Variants in KMT2B observed in about 807,000 individuals in gnomAD.
KMT2B encodes histone-lysine N-methyltransferase 2B.
In KMT2B, 22 loss-of-function variants were observed where a neutral mutation model predicts 255.3. The ratio of observed to expected loss-of-function variants is 0.09; its 90% CI spans 0.06 to 0.12. KMT2B has a LOEUF of 0.12. Ranked by LOEUF, KMT2B falls within the 10% of genes least tolerant of loss-of-function variation. The probability of loss-of-function intolerance (pLI) is 1.00; values close to 1 mark genes in which losing one functional copy is unlikely to be tolerated. For synonymous variants in KMT2B, 1,730 were observed against 1,498.1 expected, an observed-to-expected ratio of 1.15 and a Z score of -3.57; for missense variants, 3,149 against 3,737.0, an observed-to-expected ratio of 0.84 and a Z score of 4.10.
Position 35,719,958 on chromosome 19 carries a change from A to G in KMT2B, c.611A>G (p.Gln204Arg). 9 of 1,613,168 alleles carry G rather than the reference A, an allele frequency of 5.6e-6. No homozygotes were observed. Among genetic ancestry groups the G allele is most frequent in the Non-Finnish European group, 6.8e-6 (8 of 1,179,814 alleles). The change falls in exon 3 of 37, where the codon CAA becomes CGA. Residue 204 changes from glutamine (Q) to arginine (R), a missense_variant. Coordinates refer to ENST00000420124, the MANE Select transcript of KMT2B (RefSeq NM_014727.3). ...CTTCTCCGGCGGGCCCAGGCACCCC[A>G]AGCACCCCGGAGCCGGGCATGTGAG... ...TELLRRAQAP[Q>R]APRSRACEPS...
Position 35,728,849 on chromosome 19 carries a change from G to A in KMT2B, c.4647G>A (p.Glu1549=). 6.2e-7 allele frequency: 1 copy of A among 1,613,954 alleles called. No individual in the cohort carries two copies. Among genetic ancestry groups the A allele is most frequent in the Admixed American group, 1.7e-5 (1 of 60,018 alleles). The change falls in exon 20 of 37, where the codon GAG becomes GAA. Residue 1549 remains glutamate, a synonymous_variant. Coordinates refer to ENST00000420124, the MANE Select transcript of KMT2B (RefSeq NM_014727.3). ...CGCAGTGGAGACAGCAGGAACCAGAGACCCCAGAATCAGGGCAGCCTCCAG... is the reference window on the plus strand; with the variant it reads ...CGCAGTGGAGACAGCAGGAACCAGAAACCCCAGAATCAGGGCAGCCTCCAG... ...VYAQWRQQEP[E]TPESGQPPGD...
chr19:35,728,763 C>G lies in KMT2B; in HGVS notation c.4572-11C>G. 1 of 1,609,472 alleles carries G rather than the reference C, an allele frequency of 6.2e-7. No homozygotes were observed. The highest frequency in any genetic ancestry group is 8.5e-7 in the Non-Finnish European group (1 of 1,175,890). ...TTGGGCACATCAGCTGCTAACCCTGCCTGTCCACAGCGGAGTCCTTCCCAA... is the reference window on the plus strand; with the variant it reads ...TTGGGCACATCAGCTGCTAACCCTGGCTGTCCACAGCGGAGTCCTTCCCAA... On this transcript the variant is annotated splice_polypyrimidine_tract_variant and intron_variant, in intron 19 of 36. Coordinates refer to ENST00000420124, the MANE Select transcript of KMT2B (RefSeq NM_014727.3).
rs752108053 is a variant in KMT2B, at chr19:35,738,255, C to G, written c.7873-27C>G. 1.7e-5 allele frequency: 28 copies of G among 1,613,120 alleles called. No individual in the cohort carries two copies. The South Asian group carries it at 2.3e-4, about 13-fold the overall frequency. ...CGAGCCTGTCCGCGGGGACAGAGCA[C>G]CTGATCTCCCCACCTCATCCCTGCA... On this transcript the variant is annotated intron_variant, in intron 36 of 36. Coordinates refer to ENST00000420124, the MANE Select transcript of KMT2B (RefSeq NM_014727.3). The surrounding 1 kb of genome is among the most constrained non-coding windows in gnomAD (Gnocchi z 8.7).
chr19:35,725,199 C>T lies in KMT2B; in HGVS notation c.3529-21C>T. ...TTGTATGCCTGGCGGCCCTCTGATC[C>T]TGCATCCTCTCTTCCCCCAGGAGGA... On this transcript the variant is annotated intron_variant, in intron 10 of 36. Coordinates refer to ENST00000420124, the MANE Select transcript of KMT2B (RefSeq NM_014727.3). This position sits in a 1 kb window ranked among gnomAD's most constrained non-coding sequence, Gnocchi z 4.1. 1.2e-6 allele frequency: 2 copies of T among 1,607,638 alleles called. No homozygotes were observed. Among genetic ancestry groups the T allele is most frequent in the Non-Finnish European group, 1.7e-6 (2 of 1,174,802 alleles).
Position 35,723,419 on chromosome 19 carries a change from C to G in KMT2B, c.3003-28C>G, listed in dbSNP as rs1291068602. 1 of 1,563,688 alleles carries G rather than the reference C, an allele frequency of 6.4e-7. No homozygotes were observed. Among genetic ancestry groups the G allele is most frequent in the Non-Finnish European group, 8.7e-7 (1 of 1,153,494 alleles). On this transcript the variant is annotated intron_variant, in intron 6 of 36. Transcript: ENST00000420124. The surrounding 1 kb of genome is among the most constrained non-coding windows in gnomAD (Gnocchi z 7.5). ...TTCCCCCAGACCACCAGTCCCCTAC[C>G]CTGGTGACGTGCTGCTCCCCTCCCC...
rs750810542 is a variant in KMT2B at position 35,730,734 on chromosome 19, G to A, written c.5304G>A (p.Val1768=). The change falls in exon 26 of 37, where the codon GTG becomes GTA. Residue 1768 remains valine (V), a synonymous_variant. Coordinates refer to ENST00000420124, the MANE Select transcript of KMT2B (RefSeq NM_014727.3). The part of the protein sequence containing the change: ...YQCSRLYWST[V]DARRRCWYRC... ...GCTCCCGTCTGTACTGGAGCACAGT[G>A]GATGCTCGGAGGCGCTGCTGGTATC... is the stretch of plus-strand genomic sequence containing the variant. 6.2e-7 allele frequency: 1 copy of A among 1,613,948 alleles called. No homozygotes were observed. The highest frequency in any genetic ancestry group is 1.3e-5 in the African/African-American group (1 of 75,056).
Position 35,729,018 on chromosome 19 carries a change from A to G in KMT2B, c.4721A>G (p.His1574Arg), listed in dbSNP as rs1416302740. ...GGCAAGGATCCGGCTGCCTTCTCAC[A>G]CCTGGAGGACCCCCGTCAGTGTGCA... ...FQGKDPAAFSHLEDPRQCALC... is the reference protein window; with the variant it reads ...FQGKDPAAFSRLEDPRQCALC... The change falls in exon 21 of 37, where the codon CAC (histidine) becomes CGC (arginine). Residue 1574 changes from histidine to arginine, a missense_variant. His to Arg is a conservative substitution (Grantham distance 29, BLOSUM62 0). Around this residue, in one of 18 missense-constraint regions of KMT2B, gnomAD observed 377 missense variants for 471.0 expected, o/e 0.80. Transcript: ENST00000420124. The G allele has an allele frequency of 6.8e-6, 11 of 1,613,782 alleles. No homozygotes were observed. Among genetic ancestry groups the G allele is most frequent in the Admixed American group, 1.7e-5 (1 of 60,008 alleles).
intron 1 of KMT2B, among the ~76,000 whole-genome samples, 169 bp from the exon 2 acceptor site, chr19:35,719,300 G>A (rs928002359): frequency 1.9e-4 from 29 of 152,128 alleles, no homozygotes; most frequent in Admixed American, 9.2e-4. Context: ...CCATCCCTAG[G>A]GAGAGACCCT....
rs1185709309 is a variant in KMT2B at position 35,729,257 on chromosome 19, C to G, written c.4878C>G (p.Leu1626=). The G allele has an allele frequency of 1.2e-6, 2 of 1,603,494 alleles. No homozygotes were observed. The highest frequency in any genetic ancestry group is 1.7e-6 in the Non-Finnish European group (2 of 1,175,148). ...AEVFEENDGS[L]KNVHAAVARG... ...TCTTCGAGGAGAACGACGGCTCCCT[C>G]AAGAATGTGCATGCTGCTGTGGCCC... Residue 1626 remains leucine (L), a synonymous_variant, in exon 22 of 37, where the codon CTC becomes CTG. Transcript: ENST00000420124.
At chr19:35,732,172 G>C (rs141894666) in intron 27 of KMT2B, 37 bp downstream of exon 27, 163 of 1,567,384 alleles carry the variant, frequency 1.0e-4, no homozygotes, top group Middle Eastern at 1.0e-3. Flanking sequence ...GGGTGGAGCC[G>C]CGGAGGTGGG....
chr19:35,722,605 A>T lies in KMT2B; in HGVS notation c.2609A>T (p.His870Leu), dbSNP rs771561660. 9 of 1,611,530 alleles carry T rather than the reference A, an allele frequency of 5.6e-6. No individual in the cohort carries two copies. The highest frequency in any genetic ancestry group is 6.8e-6 in the Non-Finnish European group (8 of 1,179,158). Residue 870 changes from histidine (H) to leucine (L), a missense_variant, in exon 5 of 37, where the codon CAT (histidine) becomes CTT (leucine). Coordinates refer to ENST00000420124, the MANE Select transcript of KMT2B (RefSeq NM_014727.3). ...ESPVQGPRIKHVCRHAAVALG... is the reference protein window; with the variant it reads ...ESPVQGPRIKLVCRHAAVALG... Reference sequence around the variant, plus strand: ...CCTGTGCAAGGTCCCCGCATCAAACATGTCTGCCGTCATGCTGCTGTGGCC... The same window carrying T: ...CCTGTGCAAGGTCCCCGCATCAAACTTGTCTGCCGTCATGCTGCTGTGGCC...
Position 35,725,935 on chromosome 19 carries a change from T to A in KMT2B, c.3885+117T>A, listed in dbSNP as rs556954079. ...AGAGGTTGGGGATCCTCTTAAGAAT[T>A]GATTAGTAATGTTTCCTCTTCAAAA... On this transcript the variant is annotated intron_variant, in intron 13 of 36. Transcript: ENST00000420124. This position sits in a 1 kb window ranked among gnomAD's most constrained non-coding sequence, Gnocchi z 4.1. 23 of 821,654 alleles carry A rather than the reference T, an allele frequency of 2.8e-5. No homozygotes were observed. In the South Asian group the frequency reaches 3.5e-4, roughly 13 times the overall value. The allele number at this position is 821,654 out of a possible 1,614,324, so 50.9% of individuals were successfully genotyped here. A position where few individuals can be genotyped will look rare whatever the true frequency, so the allele number is the denominator to read the frequency against.
rs954605027 is a variant in KMT2B at position 35,718,592 on chromosome 19, C to T, written c.363+211C>T. ...AGCCCCGGCTGCAGCCAGGCACTCGCGCCCGATGTCGGTCCCGCTGAAGTG... is the reference window on the plus strand; with the variant it reads ...AGCCCCGGCTGCAGCCAGGCACTCGTGCCCGATGTCGGTCCCGCTGAAGTG... On this transcript the variant is annotated intron_variant, in intron 1 of 36. Coordinates refer to ENST00000420124, the MANE Select transcript of KMT2B (RefSeq NM_014727.3). The surrounding 1 kb of genome is among the most constrained non-coding windows in gnomAD (Gnocchi z 5.0). Among the ~76,000 whole-genome samples the T allele has an allele frequency of 6.6e-6, 1 of 152,200 alleles. No homozygotes were observed. The highest frequency in any genetic ancestry group is 1.5e-5 in the Non-Finnish European group (1 of 68,030).
At chr19:35,724,181 CAGTG>C (rs1263481484) in intron 8 of KMT2B, among the ~76,000 whole-genome samples, 174 bp downstream of exon 8, 2 of 152,096 alleles carry the variant, frequency 1.3e-5, no homozygotes, top group African/African-American at 2.4e-5. Context: ...ATGAGGTTCT[CAGTG>C]AGCCTAATGA....
chr19:35,738,454 G>C lies in KMT2B; in HGVS notation c.8045G>C (p.Arg2682Pro). The change falls in exon 37 of 37, where the codon CGT (arginine) becomes CCT (proline). Residue 2682 changes from arginine (R) to proline (P), a missense_variant. This residue lies in a region of KMT2B where 56 missense variants were observed against 238.8 expected (regional missense o/e 0.23). Transcript: ENST00000420124. The surrounding 1 kb of genome is among the most constrained non-coding windows in gnomAD (Gnocchi z 8.7). ...ATCTTCGCCCTGCGCCGCATCCTGCGTGGTGAGGAGCTCACCTACGACTAC... is the reference window on the plus strand; with the variant it reads ...ATCTTCGCCCTGCGCCGCATCCTGCCTGGTGAGGAGCTCACCTACGACTAC... ...IVIFALRRIL[R>P]GEELTYDYKF... The C allele has an allele frequency of 2.5e-6, 4 of 1,614,102 alleles. No individual in the cohort carries two copies. Among genetic ancestry groups the C allele is most frequent in the Non-Finnish European group, 2.5e-6 (3 of 1,179,960 alleles).
chr19:35,738,530 C>G lies in KMT2B; in HGVS notation c.8121C>G (p.Ala2707=), dbSNP rs773643747. ...ASNKLPCNCG[A]KRCRRFLN is the part of the protein sequence containing the mutation. The stretch of plus-strand genomic sequence containing the variant: ...ACAAGCTGCCCTGCAACTGTGGCGC[C>G]AAGCGCTGCCGTCGGTTCCTTAACT... The change falls in exon 37 of 37, where the codon GCC becomes GCG. Residue 2707 remains alanine (A), a synonymous_variant. Coordinates refer to ENST00000420124, the MANE Select transcript of KMT2B (RefSeq NM_014727.3). The surrounding 1 kb of genome is among the most constrained non-coding windows in gnomAD (Gnocchi z 8.7). 3.1e-6 allele frequency: 5 copies of G among 1,613,712 alleles called. No individual in the cohort carries two copies. The highest frequency in any genetic ancestry group is 4.2e-6 in the Non-Finnish European group (5 of 1,179,772).
Position 35,727,637 on chromosome 19 carries a change from G to C in KMT2B, c.4302+15G>C, listed in dbSNP as rs767851129. 3.9e-5 allele frequency: 63 copies of C among 1,611,438 alleles called. No homozygotes were observed. Among genetic ancestry groups the C allele is most frequent in the Non-Finnish European group, 5.2e-5 (61 of 1,179,156 alleles). ...TCTGCACCCAGGTCTGGAGGGCCCT[G>C]GAGGCAGGATGGGCCGGGGCTAGGC... On this transcript the variant is annotated intron_variant, in intron 16 of 36. Transcript: ENST00000420124. This position sits in a 1 kb window ranked among gnomAD's most constrained non-coding sequence, Gnocchi z 4.2.
Position 35,725,799 on chromosome 19 carries a change from C to T in KMT2B, c.3866C>T (p.Thr1289Met), listed in dbSNP as rs376193493. 1.1e-5 allele frequency: 18 copies of T among 1,585,506 alleles called. No individual in the cohort carries two copies. The highest frequency in any genetic ancestry group is 6.8e-5 in the South Asian group (6 of 87,680). ...CLGPSYPTRA[T>M]RKRRHWICSA... ...GGGCCCAGCTATCCAACCCGGGCCACGCGCAAACGGCGCCACTGGGTGAGA... is the reference window on the plus strand; with the variant it reads ...GGGCCCAGCTATCCAACCCGGGCCATGCGCAAACGGCGCCACTGGGTGAGA... Residue 1289 changes from threonine to methionine, a missense_variant, in exon 13 of 37, where the codon ACG becomes ATG. By Grantham distance (81) the Thr-to-Met change is moderately conservative. Around this residue, in one of 18 missense-constraint regions of KMT2B, gnomAD observed 377 missense variants for 471.0 expected, o/e 0.80. Transcript: ENST00000420124. The surrounding 1 kb of genome is among the most constrained non-coding windows in gnomAD (Gnocchi z 4.1).
rs199638121 is a variant in KMT2B, at chr19:35,721,803, C to T, written c.2456C>T (p.Pro819Leu). 47 of 1,580,436 alleles carry T rather than the reference C, an allele frequency of 3.0e-5. No individual in the cohort carries two copies. The highest frequency in any genetic ancestry group is 2.6e-4 in the South Asian group (22 of 86,214). Residue 819 changes from proline (P) to leucine (L), a missense_variant and splice_region_variant, in exon 3 of 37, where the codon CCG (proline) becomes CTG (leucine). By Grantham distance (98) the Pro-to-Leu change is moderately conservative. Around this residue, in one of 18 missense-constraint regions of KMT2B, gnomAD observed 1,188 missense variants for 1,106.4 expected, o/e 1.07. Coordinates refer to ENST00000420124, the MANE Select transcript of KMT2B (RefSeq NM_014727.3). ...CAGCAGAAGGTGGCAGCTTCCATGC[C>T]GGTGAGTGTGGTCCCTGGGCCCAGC... Reference protein sequence around the residue: ...QQQQKVAASMPLSPGGQMEEV... With the variant: ...QQQQKVAASMLLSPGGQMEEV...
Sources: gnomAD v4.1 joint callset for allele counts (sites outside exome capture counted in the v4.1 genomes callset) on GRCh38, gnomAD v4.1.1 for gene constraint, gnomAD v4.1.1 regional missense constraint, Gnocchi (gnomAD v3.1) non-coding constraint, MANE v1.5 for transcripts, NCBI Gene and HGNC (gene_info 2026-07-23, HGNC 2026-07-21) for gene names.